Variants in SMARCC2 observed in about 807,000 individuals in gnomAD.
SMARCC2 encodes SWI/SNF complex subunit SMARCC2.
Under a neutral mutation model 151.3 loss-of-function variants are expected in SMARCC2, and 15 were observed. The observed-to-expected ratio is 0.10, with a 90% CI of 0.07 to 0.15. The LOEUF (loss-of-function observed/expected upper bound fraction) is 0.15, where lower values mean the gene tolerates loss of function less well. Ranked by LOEUF, SMARCC2 falls within the 10% of genes least tolerant of loss-of-function variation. The pLI is 1.00. For synonymous variants in SMARCC2, 590 were observed against 609.5 expected, an observed-to-expected ratio of 0.97 and a Z score of 0.47; for missense variants, 1,031 against 1,599.7, an observed-to-expected ratio of 0.64 and a Z score of 6.06.
chr12:56,178,004 G>C lies in SMARCC2; in HGVS notation c.1382+18C>G, dbSNP rs751753890. The C allele has an allele frequency of 6.4e-7, 1 of 1,550,552 alleles. No individual in the cohort carries two copies. The highest frequency in any genetic ancestry group is 8.9e-7 in the Non-Finnish European group (1 of 1,125,434). ...GGACAGGAGGGAGAAGGAGAATCAT[G>C]AGATGAGATTTCCTTACATCTCTGG... On this transcript the variant is annotated intron_variant, in intron 15 of 28. Coordinates refer to ENST00000550164, the MANE Select transcript of SMARCC2 (RefSeq NM_001330288.2).
rs1565901503 is a variant in SMARCC2 at position 56,171,314 on chromosome 12, G to A, written c.2304C>T (p.Ser768=). Residue 768 remains serine (S), a synonymous_variant, in exon 22 of 29, where the codon AGC becomes AGT. Coordinates refer to ENST00000550164, the MANE Select transcript of SMARCC2 (RefSeq NM_001330288.2). This position sits in a 1 kb window ranked among gnomAD's most constrained non-coding sequence, Gnocchi z 4.2. Reference sequence around the variant, plus strand: ...CAGAGGTGGTTCCTGCAATGCCACTGCTTTCCAGACCGAAGGCAGGGTCCG... The same window carrying A: ...CAGAGGTGGTTCCTGCAATGCCACTACTTTCCAGACCGAAGGCAGGGTCCG... ...GKADPAFGLE[S]SGIAGTTSDE... 5.6e-6 allele frequency: 9 copies of A among 1,614,208 alleles called. No homozygotes were observed. The highest frequency in any genetic ancestry group is 7.6e-6 in the Non-Finnish European group (9 of 1,180,042).
Position 56,164,407 on chromosome 12 carries a change from G to C in SMARCC2, c.3557C>G (p.Ser1186Cys). The change falls in exon 28 of 29, where the codon TCT (serine) becomes TGT (cysteine). Residue 1186 changes from serine (S) to cysteine (C), a missense_variant. Around this residue, in one of 12 missense-constraint regions of SMARCC2, gnomAD observed 310 missense variants for 350.0 expected, o/e 0.89. Coordinates refer to ENST00000550164, the MANE Select transcript of SMARCC2 (RefSeq NM_001330288.2). ...GAGCCCCGGCCCGAGAGGCAAGGAA[G>C]ATGGCATGGTGGTGGTCGCCGGCAG... ...PNLPATTTMP[S>C]SLPLGPGLGS... 6.2e-7 allele frequency: 1 copy of C among 1,614,052 alleles called. No homozygotes were observed. The highest frequency in any genetic ancestry group is 8.5e-7 in the Non-Finnish European group (1 of 1,180,046).
In SMARCC2 at chr12:56,169,887, T is replaced by C. The variant is rs1310376673; in HGVS notation, c.2437A>G (p.Ile813Val). 2 of 1,613,798 alleles carry C rather than the reference T, an allele frequency of 1.2e-6. No homozygotes were observed. The highest frequency in any genetic ancestry group is 1.7e-6 in the Non-Finnish European group (2 of 1,179,950). The change falls in exon 24 of 29, where the codon ATA becomes GTA. Residue 813 changes from isoleucine to valine, a missense_variant. Ile to Val is a conservative substitution (Grantham distance 29, BLOSUM62 3). This residue lies in a region of SMARCC2 where 119 missense variants were observed against 184.2 expected (regional missense o/e 0.65). Coordinates refer to ENST00000550164, the MANE Select transcript of SMARCC2 (RefSeq NM_001330288.2). ...GTTTTCTCTTTTGCTTCCTCCTCTA[T>C]AGCACCCCCTCCTTCTCGGGGTTCC... ...PKEPREGGGA[I>V]EEEAKEKTSE...
rs1876171218 is a variant in SMARCC2 at position 56,181,401 on chromosome 12, T to C, written c.956+81A>G. On this transcript the variant is annotated intron_variant, in intron 10 of 28. Coordinates refer to ENST00000550164, the MANE Select transcript of SMARCC2 (RefSeq NM_001330288.2). ...CACCCAGGTCAGGGCCAGGTGGTTA[T>C]AGGAAGGGATTTGTCTTTCCTTCCT... 5.6e-6 allele frequency: 5 copies of C among 898,982 alleles called. No homozygotes were observed. The Admixed American group carries it at 1.1e-4, about 19-fold the overall frequency. 55.7% of individuals were successfully genotyped at this position (898,982 alleles called of 1,614,324 possible). A position where few individuals can be genotyped will look rare whatever the true frequency, so the allele number is the denominator to read the frequency against.
intron 1 of SMARCC2, among the ~76,000 whole-genome samples, chr12:56,187,856 G>T (rs577959186): frequency 6.6e-6 from 1 of 152,224 alleles, no homozygotes; most frequent in African/African-American, 2.4e-5. Flanking sequence ...TCCTAGACAG[G>T]AAGGGCCATC....
chr12:56,168,006 C>T, intron 26 of SMARCC2, 54 bp downstream of exon 26: 1 of 1,541,302 alleles, frequency 6.5e-7, no homozygotes, highest in African/African-American at 1.4e-5. Context: ...ACACGCCCCT[C>T]CGATTTTAAA....
chr12:56,186,293 T>C, intron 2 of SMARCC2, 53 bp from the exon 3 acceptor site: 1 of 1,056,256 alleles, frequency 9.5e-7, no homozygotes. Flanking sequence ...GTAAATTCTC[T>C]CATCACTTAA....
chr12:56,163,846 C>T, intron 28 of SMARCC2, 81 bp from the exon 29 acceptor site: 3 of 912,482 alleles, frequency 3.3e-6, no homozygotes, highest in Non-Finnish European at 4.8e-6. Context: ...ACAGACAGAA[C>T]CGGGCATGGC....
At chr12:56,172,850 C>T (rs1874213342) in intron 18 of SMARCC2, 87 bp downstream of exon 18, 1 of 1,568,752 alleles carries the variant, frequency 6.4e-7, no homozygotes, top group Non-Finnish European at 8.7e-7. Flanking sequence ...GCTGTAGTTC[C>T]TCTGCTCTCA....
chr12:56,183,791 T>C (rs1475763873), intron 7 of SMARCC2, 70 bp downstream of exon 7: 7 of 1,014,800 alleles, frequency 6.9e-6, no homozygotes, highest in Middle Eastern at 2.3e-4. Flanking sequence ...GGCCTCTTGC[T>C]CTGCTAGATG....
chr12:56,168,732 G>A (rs192809891), intron 25 of SMARCC2, among the ~76,000 whole-genome samples: 21 of 152,132 alleles, frequency 1.4e-4, no homozygotes, highest in African/African-American at 4.6e-4. Context: ...TAATCCCAGC[G>A]CTTTGGGAGG....
At chr12:56,166,152 ATTTTT>A (rs1565893322) in intron 26 of SMARCC2, among the ~76,000 whole-genome samples, 1 of 151,898 alleles carries the variant, frequency 6.6e-6, no homozygotes, top group Admixed American at 6.6e-5. Flanking sequence ...CAATCTCTTT[ATTTTT>A]TTGAGACTGA....
At chr12:56,165,959 G>C (rs1156308148) in intron 26 of SMARCC2, among the ~76,000 whole-genome samples, 1 of 152,182 alleles carries the variant, frequency 6.6e-6, no homozygotes, top group South Asian at 2.1e-4. Flanking sequence ...CAGCTACAAA[G>C]CTTTGAACTT....
chr12:56,182,007 C>T lies in SMARCC2; in HGVS notation c.705G>A (p.Arg235=). 1 of 1,610,906 alleles carries T rather than the reference C, an allele frequency of 6.2e-7. No individual in the cohort carries two copies. The highest frequency in any genetic ancestry group is 1.1e-5 in the South Asian group (1 of 90,624). ...VEDAPTPEKP[R]KVHAKWILDT... ...AGGGGATACAAGAAAAGCTCACCTT[C>T]CTAGGTTTCTCAGGAGTTGGAGCAT... Residue 235 remains arginine (R), a synonymous_variant, in exon 8 of 29, where the codon AGG becomes AGA. Transcript: ENST00000550164.
intron 17 of SMARCC2, 141 bp downstream of exon 17, chr12:56,173,555 T>C (rs1431225590): frequency 1.4e-6 from 1 of 733,160 alleles, no homozygotes; most frequent in East Asian, 2.5e-5. Flanking sequence ...ATGGGGCTGA[T>C]TCCCGTGACC....
At position 56,178,398 on chromosome 12, in the gene SMARCC2, C is replaced by G. The variant is rs762150165; in HGVS notation, c.1310+6G>C. The G allele has an allele frequency of 6.2e-7, 1 of 1,614,230 alleles. No homozygotes were observed. Among genetic ancestry groups the G allele is most frequent in the Non-Finnish European group, 8.5e-7 (1 of 1,180,024 alleles). On this transcript the variant is annotated splice_donor_region_variant and intron_variant, in intron 14 of 28. Transcript: ENST00000550164. ...GGACTCAGTGAGAAGTTGGGGACAA[C>G]CATACCTATTGTAGTCAAACCAGGC...
intron 1 of SMARCC2, among the ~76,000 whole-genome samples, chr12:56,188,486 C>T (rs1273968748): frequency 6.6e-6 from 1 of 152,116 alleles, no homozygotes; most frequent in African/African-American, 2.4e-5. Flanking sequence ...GAGAGGCAGA[C>T]CATTTCCAGA....
intron 2 of SMARCC2, 50 bp downstream of exon 2, chr12:56,187,137 A>T (rs747691303): frequency 4.5e-6 from 7 of 1,549,466 alleles, no homozygotes; most frequent in Non-Finnish European, 6.1e-6. Flanking sequence ...CTTCAGTTTG[A>T]AGGATTCACC....
chr12:56,189,290 C>A, intron 1 of SMARCC2, 61 bp downstream of exon 1: 1 of 1,084,634 alleles, frequency 9.2e-7, no homozygotes, highest in Non-Finnish European at 1.3e-6. Flanking sequence ...CCCGGGGCTG[C>A]AGGGCCGCGG....
Sources: gnomAD v4.1 joint callset for allele counts (sites outside exome capture counted in the v4.1 genomes callset) on GRCh38, gnomAD v4.1.1 for gene constraint, gnomAD v4.1.1 regional missense constraint, Gnocchi (gnomAD v3.1) non-coding constraint, MANE v1.5 for transcripts, NCBI Gene and HGNC (gene_info 2026-07-23, HGNC 2026-07-21) for gene names.